TSHZ2: variants seen among roughly 807,000 people sequenced by gnomAD.
TSHZ2 encodes the protein teashirt zinc finger homeobox 2.
Under a neutral mutation model 74.4 loss-of-function variants are expected in TSHZ2, and 21 were observed. The ratio of observed to expected loss-of-function variants is 0.28; its 90% confidence interval spans 0.20 to 0.41. TSHZ2 has a LOEUF of 0.41. Among genes scored for constraint, TSHZ2 ranks in the 10% least tolerant of loss-of-function variants. TSHZ2 has a pLI of 1.00. For missense variants in TSHZ2, 1,244 were observed against 1,293.5 expected, an observed-to-expected ratio of 0.96 and a Z score of 0.59; for synonymous variants, 540 against 515.3, an observed-to-expected ratio of 1.05 and a Z score of -0.65.
At chr20:53,354,278 G>T (rs1456926419) in intron 2 of TSHZ2, among the ~76,000 whole-genome samples, 6 of 152,166 alleles carry the variant, frequency 3.9e-5, no homozygotes, top group Non-Finnish European at 1.5e-5. Context: ...GTGCTCTTGT[G>T]GTGGCCTGTA....
chr20:53,396,026 C>T lies in TSHZ2; in HGVS notation c.*9-91118C>T, dbSNP rs151205653. The stretch of plus-strand genomic sequence containing the variant: ...TCTCGGCTCACTGCAGGCTCCTCTT[C>T]CCAGGTCCACCGCATTCTCCTGCCT... On this transcript the variant is annotated intron_variant, in intron 2 of 2. Coordinates refer to ENST00000371497, the MANE Select transcript of TSHZ2 (RefSeq NM_173485.6). Among the ~76,000 whole-genome samples the T allele has an allele frequency of 6.7e-3, 1,014 of 152,300 alleles. 9 individuals are homozygous for T. Among genetic ancestry groups the T allele is most frequent in the Non-Finnish European group, 9.7e-3 (660 of 68,008 alleles).
At chr20:53,204,379 G>GATATACTATATCATCATATAACATT (rs1989108347) in intron 1 of TSHZ2, among the ~76,000 whole-genome samples, 1 of 128,444 alleles carries the variant, frequency 7.8e-6, no homozygotes, top group African/African-American at 3.3e-5. Flanking sequence ...CATATAACAT[G>GATATACTATATCATCATATAACATT]ATGATATGAT....
intron 1 of TSHZ2, among the ~76,000 whole-genome samples, chr20:52,996,631 G>C (rs954437707): frequency 1.3e-5 from 2 of 152,054 alleles, no homozygotes; most frequent in African/African-American, 4.8e-5. Flanking sequence ...GCTTTCTTGT[G>C]GAAAAACTGA....
At chr20:53,362,328 A>G (rs565627240) in intron 2 of TSHZ2, among the ~76,000 whole-genome samples, 1 of 151,746 alleles carries the variant, frequency 6.6e-6, no homozygotes, top group Admixed American at 6.6e-5. Flanking sequence ...GGGACTACAG[A>G]CGCCCGCCAC....
chr20:53,395,757 C>A (rs187664328), intron 2 of TSHZ2, among the ~76,000 whole-genome samples: 2 of 152,180 alleles, frequency 1.3e-5, no homozygotes, highest in East Asian at 3.9e-4. Flanking sequence ...GTGCCATTGA[C>A]TAATTATTGT....
At chr20:53,095,160 C>G (rs1157981965) in intron 1 of TSHZ2, among the ~76,000 whole-genome samples, 2 of 152,188 alleles carry the variant, frequency 1.3e-5, no homozygotes, top group African/African-American at 4.8e-5. Flanking sequence ...AATTACATCA[C>G]AAAGGTTTGG....
At chr20:53,068,468 C>G (rs961234832) in intron 1 of TSHZ2, among the ~76,000 whole-genome samples, 1 of 152,102 alleles carries the variant, frequency 6.6e-6, no homozygotes, top group African/African-American at 2.4e-5. Context: ...AATTGTCTTC[C>G]TCTCCTTATT....
At chr20:53,172,038 T>C (rs970815793) in intron 1 of TSHZ2, among the ~76,000 whole-genome samples, 2 of 152,210 alleles carry the variant, frequency 1.3e-5, no homozygotes, top group Non-Finnish European at 2.9e-5. Context: ...AAAAAAATGA[T>C]TGTTGTATGC....
intron 2 of TSHZ2, among the ~76,000 whole-genome samples, chr20:53,357,173 A>G (rs1463528965): frequency 6.6e-6 from 1 of 152,214 alleles, no homozygotes; most frequent in Admixed American, 6.5e-5. Flanking sequence ...GACTTGGGTT[A>G]TAGGAGAACT....
chr20:53,040,830 C>T (rs1236331099), intron 1 of TSHZ2, among the ~76,000 whole-genome samples: 9 of 152,134 alleles, frequency 5.9e-5, no homozygotes, highest in Non-Finnish European at 1.0e-4. Context: ...CTTCCTTAGG[C>T]GCAGCATTTG....
chr20:53,076,952 C>T (rs559907231), intron 1 of TSHZ2, among the ~76,000 whole-genome samples: 8 of 152,064 alleles, frequency 5.3e-5, no homozygotes, highest in African/African-American at 1.2e-4. Context: ...TTTTTGTATC[C>T]GGAAGAATCA....
At chr20:53,468,602 T>G (rs1302002850) in intron 2 of TSHZ2, among the ~76,000 whole-genome samples, 2 of 150,610 alleles carry the variant, frequency 1.3e-5, no homozygotes, top group Non-Finnish European at 2.9e-5. Flanking sequence ...AAAAGGGGAC[T>G]TGCCGTAAAA....
intron 2 of TSHZ2, among the ~76,000 whole-genome samples, chr20:53,434,352 G>C (rs1600635579): frequency 1.3e-5 from 2 of 152,100 alleles, no homozygotes; most frequent in Admixed American, 1.3e-4. Flanking sequence ...TGGAAGAGGT[G>C]GATCTAGACC....
chr20:53,114,332 C>T (rs1275976087), intron 1 of TSHZ2, among the ~76,000 whole-genome samples: 1 of 152,106 alleles, frequency 6.6e-6, no homozygotes, highest in Non-Finnish European at 1.5e-5. Context: ...TGTGTTTATA[C>T]CTAGTCTTGA....
chr20:53,166,920 T>TA (rs1258288538), intron 1 of TSHZ2, among the ~76,000 whole-genome samples: 44 of 151,892 alleles, frequency 2.9e-4, no homozygotes, highest in African/African-American at 9.2e-4. Context: ...AAGTATTATA[T>TA]TAAAAAAACC....
At chr20:53,369,441 T>A (rs1600834210) in intron 2 of TSHZ2, among the ~76,000 whole-genome samples, 1 of 151,796 alleles carries the variant, frequency 6.6e-6, no homozygotes, top group East Asian at 1.9e-4. Context: ...GCGCTGTGGC[T>A]CCCGCCTGTA....
rs140445298 is a variant in TSHZ2 at position 52,984,629 on chromosome 20, T to C, written c.40+11296T>C. Reference sequence around the variant, plus strand: ...CAAGGGGCTGGGGCTGTCACCGAGGTGGGGTGCCTCGGAGGGTGCAGGAGC... The same window carrying C: ...CAAGGGGCTGGGGCTGTCACCGAGGCGGGGTGCCTCGGAGGGTGCAGGAGC... On this transcript the variant is annotated intron_variant, in intron 1 of 2. Coordinates refer to ENST00000371497, the MANE Select transcript of TSHZ2 (RefSeq NM_173485.6). Among the ~76,000 whole-genome samples the C allele has an allele frequency of 7.8e-3, 1,193 of 151,986 alleles. 11 individuals are homozygous for C. Among genetic ancestry groups the C allele is most frequent in the African/African-American group, 0.026 (1,068 of 41,442 alleles).
Position 53,314,443 on chromosome 20 carries a change from G to A in TSHZ2, c.*8+57872G>A, listed in dbSNP as rs192371294. Among the ~76,000 whole-genome samples the A allele has an allele frequency of 1.4e-3, 210 of 152,188 alleles. 1 individual carries two copies. The highest frequency in any genetic ancestry group is 2.4e-3 in the Non-Finnish European group (160 of 68,008). Reference sequence around the variant, plus strand: ...GGGTCAGGAATTCAGGCAACATTCTGAAACAGCTTGGTGGGGCATGATCTG... The same window carrying A: ...GGGTCAGGAATTCAGGCAACATTCTAAAACAGCTTGGTGGGGCATGATCTG... On this transcript the variant is annotated intron_variant, in intron 2 of 2. Transcript: ENST00000371497.
At chr20:53,005,997 C>T (rs1291065561) in intron 1 of TSHZ2, among the ~76,000 whole-genome samples, 1 of 152,148 alleles carries the variant, frequency 6.6e-6, no homozygotes, top group Non-Finnish European at 1.5e-5. Context: ...TTAGATGATC[C>T]TTCATTCTTT....
Sources: gnomAD v4.1 joint callset for allele counts (sites outside exome capture counted in the v4.1 genomes callset) on GRCh38, gnomAD v4.1.1 for gene constraint, MANE v1.5 for transcripts, NCBI Gene and HGNC (gene_info 2026-07-23, HGNC 2026-07-21) for gene names.